PIK3AP1: variants seen among roughly 807,000 people sequenced by gnomAD.
PIK3AP1 encodes the protein phosphoinositide-3-kinase adaptor protein 1.
Under a neutral mutation model 88.1 loss-of-function variants are expected in PIK3AP1, and 21 were observed. The observed-to-expected ratio is 0.24, with a 90% CI of 0.17 to 0.34. The LOEUF (loss-of-function observed/expected upper bound fraction) is 0.34. PIK3AP1 is among the 10% of genes least tolerant of loss of function. The probability of loss-of-function intolerance (pLI) is 1.00; values close to 1 mark genes in which losing one functional copy is unlikely to be tolerated. For synonymous variants in PIK3AP1, 398 were observed against 400.0 expected, an observed-to-expected ratio of 1.00 and a Z score of 0.06; for missense variants, 828 against 1,035.7, an observed-to-expected ratio of 0.80 and a Z score of 2.75.
chr10:96,631,656 A>C (rs1396511598), intron 8 of PIK3AP1, among the ~76,000 whole-genome samples: 2 of 152,220 alleles, frequency 1.3e-5, no homozygotes, highest in Non-Finnish European at 2.9e-5. Context: ...TGGGAGGCCA[A>C]GGCGGGTGGA....
chr10:96,681,867 T>C (rs780730218), intron 2 of PIK3AP1, among the ~76,000 whole-genome samples: 1 of 152,178 alleles, frequency 6.6e-6, no homozygotes, highest in Non-Finnish European at 1.5e-5. Context: ...ACGAGGGCAG[T>C]GATGACCACA....
chr10:96,625,027 G>A (rs1250167700), intron 10 of PIK3AP1, among the ~76,000 whole-genome samples: 1 of 152,220 alleles, frequency 6.6e-6, no homozygotes, highest in African/African-American at 2.4e-5. Context: ...TATTTGAGAG[G>A]TGATGGAGGT....
chr10:96,677,626 C>CACACAA (rs1554960886), intron 2 of PIK3AP1, among the ~76,000 whole-genome samples: 2 of 146,530 alleles, frequency 1.4e-5, no homozygotes, highest in African/African-American at 5.1e-5. Context: ...CACACACACA[C>CACACAA]AAAAGGCCTT....
chr10:96,667,079 AAAT>A (rs1843774018), intron 2 of PIK3AP1, among the ~76,000 whole-genome samples: 4 of 152,252 alleles, frequency 2.6e-5, no homozygotes, highest in Admixed American at 2.0e-4. Flanking sequence ...CCACCATGGC[AAAT>A]GGGCACATTC....
intron 8 of PIK3AP1, among the ~76,000 whole-genome samples, chr10:96,641,136 T>C (rs1843383713): frequency 1.3e-5 from 2 of 149,234 alleles, no homozygotes; most frequent in African/African-American, 5.0e-5. Context: ...CGTGTGCATG[T>C]ATACACCCAC....
chr10:96,628,338 A>G, intron 9 of PIK3AP1, 60 bp downstream of exon 9: 1 of 1,365,374 alleles, frequency 7.3e-7, no homozygotes, highest in East Asian at 2.3e-5. Flanking sequence ...GAACCAGACA[A>G]TGTCTTGCAT....
intron 2 of PIK3AP1, among the ~76,000 whole-genome samples, chr10:96,668,007 A>G (rs759289266): frequency 2.0e-5 from 3 of 152,200 alleles, no homozygotes; most frequent in Non-Finnish European, 2.9e-5. Flanking sequence ...TTTTTCATGT[A>G]GAGTGGCAAA....
chr10:96,616,507 C>T (rs1849217276), intron 13 of PIK3AP1, 132 bp downstream of exon 13: 7 of 908,576 alleles, frequency 7.7e-6, no homozygotes, highest in South Asian at 1.5e-5. Flanking sequence ...TAGTGGGGGA[C>T]CCAGATCTGT....
rs113835226 is a variant in PIK3AP1 at position 96,606,860 on chromosome 10, G to C, written c.2171-2811C>G. ...GTATTTGGTGGATCAAGGAGTGAGA[G>C]AAAAAAATGACCATATAAAAGTATA... is the stretch of plus-strand genomic sequence containing the variant. On this transcript the variant is annotated intron_variant, in intron 14 of 16. Coordinates refer to ENST00000339364, the MANE Select transcript of PIK3AP1 (RefSeq NM_152309.3). Among the ~76,000 whole-genome samples the C allele has an allele frequency of 2.3e-3, 347 of 152,108 alleles. 4 individuals are homozygous for C. Among genetic ancestry groups the C allele is most frequent in the African/African-American group, 7.5e-3 (313 of 41,512 alleles).
intron 15 of PIK3AP1, among the ~76,000 whole-genome samples, chr10:96,603,552 C>T (rs959332574): frequency 2.0e-5 from 3 of 152,148 alleles, no homozygotes; most frequent in East Asian, 3.9e-4. Flanking sequence ...ATGCTTCCTG[C>T]CCTCAAACAC....
At chr10:96,641,967 A>G (rs1041713662) in intron 8 of PIK3AP1, among the ~76,000 whole-genome samples, 1 of 152,198 alleles carries the variant, frequency 6.6e-6, no homozygotes, top group Non-Finnish European at 1.5e-5. Context: ...CTACAGAGCC[A>G]CTGTTAGTAA....
At position 96,720,032 on chromosome 10, in the gene PIK3AP1, C is replaced by A. The variant is rs375634916; in HGVS notation, c.13+350G>T. ...GGCCCTGTAGACCATCCACATCGCC[C>A]GCCCTCCGCTTCTCTCAACTCGCCT... On this transcript the variant is annotated intron_variant, in intron 1 of 16. Transcript: ENST00000339364. This position sits in a 1 kb window ranked among gnomAD's most constrained non-coding sequence, Gnocchi z 4.6. 2.1e-3 allele frequency among the ~76,000 whole-genome samples: 316 copies of A among 152,264 alleles called. 3 individuals carry two copies. The highest frequency in any genetic ancestry group is 6.8e-3 in the Middle Eastern group (2 of 294).
intron 8 of PIK3AP1, among the ~76,000 whole-genome samples, chr10:96,637,316 A>T (rs1318643885): frequency 3.5e-5 from 4 of 114,878 alleles, no homozygotes; most frequent in East Asian, 2.2e-4. Context: ...ATATACAATC[A>T]CACACACACA....
chr10:96,633,268 C>A, intron 8 of PIK3AP1: 1 of 492,016 alleles, frequency 2.0e-6, no homozygotes, highest in Non-Finnish European at 3.3e-6. Context: ...TGCCTGGAAA[C>A]ATAGTTGACA....
intron 10 of PIK3AP1, among the ~76,000 whole-genome samples, chr10:96,626,458 A>G (rs767615581): frequency 2.0e-5 from 3 of 152,236 alleles, no homozygotes; most frequent in Non-Finnish European, 2.9e-5. Flanking sequence ...AAAATATATC[A>G]GGGGTCTTGT....
At chr10:96,669,335 G>T (rs1379104772) in intron 2 of PIK3AP1, among the ~76,000 whole-genome samples, 13 of 152,130 alleles carry the variant, frequency 8.5e-5, no homozygotes, top group Non-Finnish European at 1.5e-5. Context: ...CAAAACCTGA[G>T]CTTACTACGA....
intron 8 of PIK3AP1, chr10:96,632,888 A>C: frequency 6.2e-7 from 1 of 1,612,184 alleles, no homozygotes; most frequent in Non-Finnish European, 8.5e-7. Flanking sequence ...TCAGACTCAC[A>C]AGATGACCCT....
chr10:96,617,560 AAGAAGGAAC>A (rs1843011771), intron 12 of PIK3AP1, among the ~76,000 whole-genome samples: 1 of 152,160 alleles, frequency 6.6e-6, no homozygotes, highest in South Asian at 2.1e-4. Flanking sequence ...TGAACTAGAG[AAGAAGGAAC>A]AGAGGCCAGC....
intron 2 of PIK3AP1, chr10:96,700,924 C>G: frequency 1.0e-6 from 1 of 972,978 alleles, no homozygotes; most frequent in Non-Finnish European, 1.2e-6. Flanking sequence ...CTCTGAGCCC[C>G]TTGGGACTAC....
Sources: allele counts gnomAD v4.1 joint callset (sites outside exome capture counted in the v4.1 genomes callset), GRCh38; gene constraint gnomAD v4.1.1; non-coding constraint Gnocchi (gnomAD v3.1); transcripts MANE v1.5; gene names NCBI Gene and HGNC (gene_info 2026-07-23, HGNC 2026-07-21).